The following SLC4A4 variants were observed in gnomAD, a reference collection of about 807,000 sequenced individuals.
SLC4A4 encodes electrogenic sodium bicarbonate cotransporter 1.
In SLC4A4, 27 loss-of-function variants were observed where a neutral mutation model predicts 111.5. That is an observed-to-expected ratio of 0.24 (90% CI 0.18 to 0.33). SLC4A4 has a LOEUF of 0.33. SLC4A4 is among the 10% of genes least tolerant of loss of function. The pLI, the probability that SLC4A4 is intolerant of heterozygous loss-of-function variation, is 1.00. For missense variants in SLC4A4, 909 were observed against 1,315.5 expected, an observed-to-expected ratio of 0.69 and a Z score of 4.78; for synonymous variants, 443 against 463.4, an observed-to-expected ratio of 0.96 and a Z score of 0.57.
At chr4:71,090,918 C>T (rs1229050400) in intron 1 of SLC4A4, among the ~76,000 whole-genome samples, 2 of 152,090 alleles carry the variant, frequency 1.3e-5, no homozygotes, top group African/African-American at 2.4e-5. Flanking sequence ...CACAGAAGGT[C>T]GTTCATGTTG....
At chr4:71,512,974 G>A (rs759407708) in intron 16 of SLC4A4, among the ~76,000 whole-genome samples, 1 of 151,996 alleles carries the variant, frequency 6.6e-6, no homozygotes, top group Non-Finnish European at 1.5e-5. Context: ...TATCTACTCC[G>A]TTCTGTTGGT....
chr4:71,476,337 A>T (rs1199327273), intron 14 of SLC4A4, among the ~76,000 whole-genome samples: 1 of 151,788 alleles, frequency 6.6e-6, no homozygotes, highest in Non-Finnish European at 1.5e-5. Context: ...TCAAGTAAAT[A>T]TTCTAAAAAT....
intron 16 of SLC4A4, among the ~76,000 whole-genome samples, chr4:71,524,030 T>G (rs2149197882): frequency 6.6e-6 from 1 of 152,194 alleles, no homozygotes; most frequent in East Asian, 1.9e-4. Flanking sequence ...AATCTACCTT[T>G]CCGTAGCCTC....
rs920700610 is a variant in SLC4A4, at chr4:71,141,650, T to A, written c.-2+48858T>A. ...CATAAATAAATATATTGTAAAAACT[T>A]GTTTGTATTTTGTTTTCCCCATGGA... On this transcript the variant is annotated intron_variant, in intron 2 of 26. Transcript: ENST00000649996. Among the ~76,000 whole-genome samples, 20 of 152,334 alleles carry A rather than the reference T, an allele frequency of 1.3e-4. No individual in the cohort carries two copies. The East Asian group carries it at 3.7e-3, about 28-fold the overall frequency.
chr4:71,283,807 A>C (rs140379982), intron 3 of SLC4A4, among the ~76,000 whole-genome samples: 10 of 152,294 alleles, frequency 6.6e-5, no homozygotes, highest in African/African-American at 1.9e-4. Flanking sequence ...GCAGAGTTCA[A>C]TGTAAGCTGA....
chr4:71,277,079 A>C (rs1560839081), intron 3 of SLC4A4, among the ~76,000 whole-genome samples: 2 of 152,096 alleles, frequency 1.3e-5, no homozygotes, highest in Non-Finnish European at 2.9e-5. Flanking sequence ...AACAACCCCA[A>C]AACAAATAAA....
At chr4:71,358,404 C>T (rs776834326) in intron 6 of SLC4A4, among the ~76,000 whole-genome samples, 10 of 151,724 alleles carry the variant, frequency 6.6e-5, no homozygotes, top group East Asian at 1.9e-4. Flanking sequence ...AACATAAAAC[C>T]GGTTGTCATG....
intron 6 of SLC4A4, among the ~76,000 whole-genome samples, chr4:71,387,225 G>A (rs1718826792): frequency 6.6e-6 from 1 of 152,054 alleles, no homozygotes; most frequent in Admixed American, 6.6e-5. Context: ...CCTCTGCATG[G>A]AGTTTTACAC....
At chr4:71,137,765 A>T (rs1485136749) in intron 2 of SLC4A4, among the ~76,000 whole-genome samples, 1 of 152,198 alleles carries the variant, frequency 6.6e-6, no homozygotes, top group Non-Finnish European at 1.5e-5. Context: ...AAAGCAGCTG[A>T]GGTTGAAGTC....
At chr4:71,273,510 C>T (rs559755044) in intron 3 of SLC4A4, among the ~76,000 whole-genome samples, 1 of 152,222 alleles carries the variant, frequency 6.6e-6, no homozygotes, top group Non-Finnish European at 1.5e-5. Context: ...TTTCAGTCCC[C>T]AGGGCCAAAA....
At chr4:71,262,437 T>A (rs1312469501) in intron 3 of SLC4A4, among the ~76,000 whole-genome samples, 1 of 152,192 alleles carries the variant, frequency 6.6e-6, no homozygotes, top group Non-Finnish European at 1.5e-5. Flanking sequence ...TTACTTGACT[T>A]TTCATCACTT....
chr4:71,108,805 T>C (rs184997763), intron 2 of SLC4A4, among the ~76,000 whole-genome samples: 1 of 152,262 alleles, frequency 6.6e-6, no homozygotes, highest in African/African-American at 2.4e-5. Flanking sequence ...TATTTTGCCT[T>C]TCAACTTCAG....
chr4:71,339,069 G>A, intron 3 of SLC4A4: 1 of 1,551,402 alleles, frequency 6.4e-7, no homozygotes, highest in South Asian at 1.2e-5. Flanking sequence ...GGAAGTGAGT[G>A]GTTAGACCTC....
chr4:71,429,818 T>G (rs1270671512), intron 7 of SLC4A4, among the ~76,000 whole-genome samples: 1 of 152,166 alleles, frequency 6.6e-6, no homozygotes, highest in Non-Finnish European at 1.5e-5. Context: ...AGGAATTCAG[T>G]CCAAATGCAT....
chr4:71,103,364 A>C (rs925964763), intron 2 of SLC4A4, among the ~76,000 whole-genome samples: 1 of 152,202 alleles, frequency 6.6e-6, no homozygotes, highest in African/African-American at 2.4e-5. Flanking sequence ...CAGATCAACG[A>C]GACAGAAAGT....
Position 71,515,089 on chromosome 4 carries a change from T to G in SLC4A4, c.2167-16973T>G, listed in dbSNP as rs79565639. On this transcript the variant is annotated intron_variant, in intron 16 of 25. Transcript: ENST00000264485. ...TGTGCATTTTTAGATTGTTAACTTG[T>G]AATCTTTCTACTTATTTATTTATTA... Among the ~76,000 whole-genome samples, 210 of 152,136 alleles carry G rather than the reference T, an allele frequency of 1.4e-3. 1 individual carries two copies. The highest frequency in any genetic ancestry group is 4.8e-3 in the African/African-American group (200 of 41,562).
chr4:71,469,192 G>A (rs1046998968), intron 13 of SLC4A4, among the ~76,000 whole-genome samples: 5 of 151,904 alleles, frequency 3.3e-5, no homozygotes, highest in South Asian at 2.1e-4. Flanking sequence ...TTACTTGGGT[G>A]AGGAATCTGA....
intron 3 of SLC4A4, among the ~76,000 whole-genome samples, chr4:71,301,745 T>G (rs1173616154): frequency 6.6e-6 from 1 of 152,204 alleles, no homozygotes; most frequent in African/African-American, 2.4e-5. Context: ...ATGTCTTCAG[T>G]TTGGCCACCA....
At chr4:71,204,584 G>A (rs747333710) in intron 1 of SLC4A4, among the ~76,000 whole-genome samples, 1 of 152,052 alleles carries the variant, frequency 6.6e-6, no homozygotes, top group Non-Finnish European at 1.5e-5. Flanking sequence ...TTAAATATTA[G>A]CAAGTTTAGT....
Sources: allele counts gnomAD v4.1 joint callset (sites outside exome capture counted in the v4.1 genomes callset), GRCh38; gene constraint gnomAD v4.1.1; transcripts MANE v1.5; gene names NCBI Gene and HGNC (gene_info 2026-07-23, HGNC 2026-07-21).